DHX29: variants seen among roughly 807,000 people sequenced by gnomAD.
DHX29 encodes ATP-dependent RNA helicase DHX29.
DHX29 carries 79 observed loss-of-function variants against 167.9 expected under a neutral mutation model. The ratio of observed to expected loss-of-function variants is 0.47; its 90% CI spans 0.39 to 0.57. The LOEUF (loss-of-function observed/expected upper bound fraction) is 0.57. DHX29 is among the 20% of genes least tolerant of loss of function. The probability of loss-of-function intolerance (pLI) is 0.00; values close to 1 mark genes in which losing one functional copy is unlikely to be tolerated. For missense variants in DHX29, 1,347 were observed against 1,593.4 expected, an observed-to-expected ratio of 0.85 and a Z score of 2.63; for synonymous variants, 530 against 546.0, an observed-to-expected ratio of 0.97 and a Z score of 0.41.
At chr5:55,269,329 T>C in intron 21 of DHX29, 84 bp downstream of exon 21, 1 of 1,373,946 alleles carries the variant, frequency 7.3e-7, no homozygotes. Context: ...TAAAAAAATT[T>C]TTACTTAACA....
intron 24 of DHX29, among the ~76,000 whole-genome samples, 190 bp from the exon 25 acceptor site, chr5:55,261,689 G>A (rs894565756): frequency 3.9e-5 from 6 of 151,942 alleles, no homozygotes; most frequent in Admixed American, 2.0e-4. Context: ...ATTACCACCT[G>A]TGCATTAATG....
intron 24 of DHX29, 32 bp from the exon 25 acceptor site, chr5:55,261,531 A>C (rs1746316368): frequency 6.6e-6 from 9 of 1,364,632 alleles, no homozygotes; most frequent in Non-Finnish European, 9.2e-6. Flanking sequence ...AAATAACTTC[A>C]AAATATAAAA....
intron 11 of DHX29, 40 bp downstream of exon 11, chr5:55,283,163 T>C (rs763448004): frequency 2.6e-6 from 4 of 1,540,228 alleles, no homozygotes; most frequent in South Asian, 1.3e-5. Context: ...GTGAGTAATG[T>C]CACCATCATT....
At chr5:55,275,997 T>A (rs1747092584) in intron 14 of DHX29, among the ~76,000 whole-genome samples, 1 of 152,226 alleles carries the variant, frequency 6.6e-6, no homozygotes, top group Non-Finnish European at 1.5e-5. Context: ...AAGTTGCTTC[T>A]AATTTGTATG....
In DHX29 at chr5:55,270,621, G is replaced by T; in HGVS notation, c.2950C>A (p.Arg984=). 6 of 1,614,036 alleles carry T rather than the reference G, an allele frequency of 3.7e-6. No individual in the cohort carries two copies. Among genetic ancestry groups the T allele is most frequent in the Non-Finnish European group, 5.1e-6 (6 of 1,179,996 alleles). The change falls in exon 19 of 27, where the codon CGG becomes AGG. Residue 984 remains arginine (R), a synonymous_variant. Coordinates refer to ENST00000251636, the MANE Select transcript of DHX29 (RefSeq NM_019030.4). ...SALQRQGRAG[R]VRDGFCFRMY... Reference sequence around the variant, plus strand: ...CGGAAACAGAAGCCATCTCTGACCCGCCCAGCTCTTCCCTGGCGCTGCAAA... The same window carrying T: ...CGGAAACAGAAGCCATCTCTGACCCTCCCAGCTCTTCCCTGGCGCTGCAAA...
At chr5:55,261,007 GA>G (rs1746290443) in intron 25 of DHX29, among the ~76,000 whole-genome samples, 1 of 152,008 alleles carries the variant, frequency 6.6e-6, no homozygotes, top group Non-Finnish European at 1.5e-5. Context: ...TAAATCCTGG[GA>G]AAATTATTTA....
chr5:55,307,326 T>C, intron 1 of DHX29, 61 bp downstream of exon 1: 1 of 1,457,720 alleles, frequency 6.9e-7, no homozygotes, highest in Non-Finnish European at 9.4e-7. Context: ...TAAGGCCCTT[T>C]CCTCAGGACA....
intron 12 of DHX29, among the ~76,000 whole-genome samples, chr5:55,278,760 C>T (rs1265383389): frequency 6.6e-6 from 1 of 152,072 alleles, no homozygotes; most frequent in Non-Finnish European, 1.5e-5. Context: ...GAGAAAAAAG[C>T]CGTCATGTCA....
chr5:55,276,129 GTTC>G (rs1253816320), intron 14 of DHX29, 134 bp downstream of exon 14: 6 of 672,430 alleles, frequency 8.9e-6, no homozygotes. Flanking sequence ...TTTAAAATTT[GTTC>G]ATTCTCAGAT....
chr5:55,263,073 T>C (rs1325469957), intron 23 of DHX29, 141 bp from the exon 24 acceptor site: 1 of 646,850 alleles, frequency 1.5e-6, no homozygotes, highest in East Asian at 2.8e-5. Flanking sequence ...CCAAATTACC[T>C]TAGGGAAAAA....
At chr5:55,287,011 T>C (rs898999785) in intron 8 of DHX29, among the ~76,000 whole-genome samples, 39 of 152,348 alleles carry the variant, frequency 2.6e-4, no homozygotes, top group Middle Eastern at 3.4e-3. Context: ...TTGTTATCTA[T>C]ATTAGAAGCT....
intron 24 of DHX29, 123 bp from the exon 25 acceptor site, chr5:55,261,622 T>C (rs1579748678): frequency 1.5e-6 from 1 of 682,058 alleles, no homozygotes; most frequent in Non-Finnish European, 2.6e-6. Context: ...AGAGTATTTG[T>C]AAAGCTACAT....
intron 2 of DHX29, among the ~76,000 whole-genome samples, chr5:55,297,993 T>C (rs1748406201): frequency 6.6e-6 from 1 of 152,072 alleles, no homozygotes; most frequent in East Asian, 1.9e-4. Context: ...ATGCCTACTA[T>C]AAACTAAGCA....
intron 21 of DHX29, 29 bp from the exon 22 acceptor site, chr5:55,267,851 ATTTATCAT>A (rs756396762): frequency 1.3e-6 from 2 of 1,563,134 alleles, no homozygotes; most frequent in Admixed American, 1.8e-5. Flanking sequence ...TGACAAAACA[ATTTATCAT>A]TAAAGAGCAA....
At position 55,294,165 on chromosome 5, in the gene DHX29, A is replaced by T. The variant is rs1439289627; in HGVS notation, c.652-20T>A. The T allele has an allele frequency of 1.3e-6, 2 of 1,562,764 alleles. No individual in the cohort carries two copies. Among genetic ancestry groups the T allele is most frequent in the Non-Finnish European group, 1.7e-6 (2 of 1,161,478 alleles). On this transcript the variant is annotated intron_variant, in intron 5 of 26. Transcript: ENST00000251636. ...TTTTGGCTAGAAAGAGAAAACAAAT[A>T]TCTGAAAAACCAAAGTTAGAAAAAG...
At chr5:55,303,175 C>T (rs1399574059) in intron 1 of DHX29, among the ~76,000 whole-genome samples, 2 of 151,576 alleles carry the variant, frequency 1.3e-5, no homozygotes, top group African/African-American at 4.8e-5. Flanking sequence ...GCTACATATT[C>T]TTTTTATACT....
At chr5:55,267,633 G>A in intron 22 of DHX29, 53 bp downstream of exon 22, 1 of 1,491,150 alleles carries the variant, frequency 6.7e-7, no homozygotes, top group Non-Finnish European at 9.0e-7. Flanking sequence ...ATATTTTAAA[G>A]TAAATAACCT....
chr5:55,259,235 T>C (rs946598961), intron 26 of DHX29, among the ~76,000 whole-genome samples: 4 of 152,140 alleles, frequency 2.6e-5, no homozygotes, highest in Admixed American at 2.6e-4. Context: ...TTATTAACCT[T>C]TTTTTCTATG....
intron 25 of DHX29, 91 bp from the exon 26 acceptor site, chr5:55,260,035 G>A: frequency 1.6e-6 from 1 of 607,266 alleles, no homozygotes; most frequent in Admixed American, 2.6e-5. Flanking sequence ...ATTACAATCT[G>A]CCTTAGCACA....
Sources: allele counts gnomAD v4.1 joint callset (sites outside exome capture counted in the v4.1 genomes callset), GRCh38; gene constraint gnomAD v4.1.1; transcripts MANE v1.5; gene names NCBI Gene and HGNC (gene_info 2026-07-23, HGNC 2026-07-21).